The following PPP2R5E variants were observed in gnomAD, a reference collection of about 807,000 sequenced individuals.
PPP2R5E encodes the protein serine/threonine-protein phosphatase 2A 56 kDa regulatory subunit epsilon isoform.
In PPP2R5E, 4 loss-of-function variants were observed where a neutral mutation model predicts 65.3. The ratio of observed to expected loss-of-function variants is 0.06; its 90% CI spans 0.03 to 0.14. The LOEUF (loss-of-function observed/expected upper bound fraction) is 0.14. Ranked by LOEUF, PPP2R5E falls within the 10% of genes least tolerant of loss-of-function variation. The pLI is 1.00. For missense variants in PPP2R5E, 274 were observed against 556.1 expected, an observed-to-expected ratio of 0.49 and a Z score of 5.10; for synonymous variants, 183 against 187.4, an observed-to-expected ratio of 0.98 and a Z score of 0.19.
intron 11 of PPP2R5E, 107 bp downstream of exon 11, chr14:63,389,505 A>T: frequency 7.9e-7 from 1 of 1,272,670 alleles, no homozygotes; most frequent in East Asian, 2.6e-5. Context: ...GTGAGGGGAT[A>T]GCAAATAAAC....
At chr14:63,469,209 T>C (rs1263887579) in intron 2 of PPP2R5E, among the ~76,000 whole-genome samples, 2 of 152,062 alleles carry the variant, frequency 1.3e-5, no homozygotes, top group African/African-American at 2.4e-5. Context: ...ACAGACCAAA[T>C]GGAGAGAAAC....
chr14:63,407,444 CTA>C (rs1886148909), intron 5 of PPP2R5E, among the ~76,000 whole-genome samples: 1 of 152,002 alleles, frequency 6.6e-6, no homozygotes, highest in Non-Finnish European at 1.5e-5. Context: ...CTTAGGAAGG[CTA>C]ATGCACAAAA....
At position 63,402,507 on chromosome 14, in the gene PPP2R5E, C is replaced by G. The variant is rs528496559; in HGVS notation, c.550-5791G>C. 4.0e-5 allele frequency among the ~76,000 whole-genome samples: 6 copies of G among 151,708 alleles called. No homozygotes were observed. In the East Asian group the frequency reaches 1.2e-3, roughly 29 times the overall value. ...GGAAACAGGCACAATGCTAGGAGTA[C>G]CAAAAAAAATTGCAAGAAGGAAACT... On this transcript the variant is annotated intron_variant, in intron 5 of 13. Coordinates refer to ENST00000337537, the MANE Select transcript of PPP2R5E (RefSeq NM_006246.5).
intron 13 of PPP2R5E, among the ~76,000 whole-genome samples, chr14:63,377,529 A>G (rs1884058805): frequency 6.6e-6 from 1 of 152,244 alleles, no homozygotes; most frequent in Admixed American, 6.5e-5. Context: ...ATGTTGAATT[A>G]TAATGCCATA....
At chr14:63,514,428 C>A (rs992194407) in intron 2 of PPP2R5E, among the ~76,000 whole-genome samples, 13 of 151,534 alleles carry the variant, frequency 8.6e-5, no homozygotes, top group Non-Finnish European at 1.6e-4. Context: ...CTAACCAGAG[C>A]AAGCCATAAT....
intron 3 of PPP2R5E, 124 bp from the exon 4 acceptor site, chr14:63,422,218 T>C: frequency 2.7e-6 from 2 of 739,982 alleles, no homozygotes; most frequent in South Asian, 3.5e-5. Context: ...CAAACTAGAA[T>C]AAGGACCTCT....
At chr14:63,465,450 CA>C (rs1171345415) in intron 2 of PPP2R5E, among the ~76,000 whole-genome samples, 69 of 47,386 alleles carry the variant, frequency 1.5e-3, no homozygotes, top group South Asian at 0.014. Context: ...TCCACCTCTA[CA>C]AAAAAAAAAA....
chr14:63,498,640 C>T (rs1170558022), intron 2 of PPP2R5E, among the ~76,000 whole-genome samples: 1 of 151,934 alleles, frequency 6.6e-6, no homozygotes, highest in African/African-American at 2.4e-5. Flanking sequence ...TTACTGCAGC[C>T]GCGACTTCCC....
intron 2 of PPP2R5E, among the ~76,000 whole-genome samples, chr14:63,490,708 T>C (rs1237464470): frequency 6.6e-6 from 1 of 151,998 alleles, no homozygotes; most frequent in Non-Finnish European, 1.5e-5. Flanking sequence ...CCAGTCGGAA[T>C]GAGTACTATT....
intron 2 of PPP2R5E, among the ~76,000 whole-genome samples, chr14:63,477,180 C>G (rs985392425): frequency 1.3e-5 from 2 of 152,064 alleles, no homozygotes; most frequent in African/African-American, 4.8e-5. Context: ...AAAATTAAGA[C>G]AGCATATAAT....
chr14:63,526,941 G>C (rs920555071), intron 2 of PPP2R5E, among the ~76,000 whole-genome samples: 1 of 152,198 alleles, frequency 6.6e-6, no homozygotes, highest in Non-Finnish European at 1.5e-5. Context: ...AGGCCAAGGC[G>C]GGCGGATCAC....
At chr14:63,526,524 C>G (rs1566763422) in intron 2 of PPP2R5E, among the ~76,000 whole-genome samples, 1 of 151,968 alleles carries the variant, frequency 6.6e-6, no homozygotes, top group African/African-American at 2.4e-5. Context: ...CTCTCTTTCT[C>G]TTTCTCTCTC....
intron 2 of PPP2R5E, among the ~76,000 whole-genome samples, chr14:63,520,785 G>A (rs1892868250): frequency 1.3e-5 from 2 of 150,738 alleles, no homozygotes; most frequent in South Asian, 2.1e-4. Flanking sequence ...GGAGGCCGAG[G>A]CGGGTGGATC....
chr14:63,405,558 A>G (rs373667083), intron 5 of PPP2R5E, among the ~76,000 whole-genome samples: 1 of 152,352 alleles, frequency 6.6e-6, no homozygotes. Context: ...CCAGCAGTAC[A>G]TATGTTTACG....
chr14:63,523,517 C>CAAGCTGCTGTG (rs1893058025), intron 2 of PPP2R5E, among the ~76,000 whole-genome samples: 1 of 151,722 alleles, frequency 6.6e-6, no homozygotes, highest in Non-Finnish European at 1.5e-5. Flanking sequence ...GCAGCATGCT[C>CAAGCTGCTGTG]GTTAAGAGTC....
chr14:63,451,798 G>A (rs887638399), intron 3 of PPP2R5E: 1 of 151,964 alleles, frequency 6.6e-6, no homozygotes, highest in Admixed American at 6.6e-5. Flanking sequence ...TGTTGATAAT[G>A]GGGGAGGCTG....
chr14:63,501,442 T>C (rs1011361515), intron 2 of PPP2R5E, among the ~76,000 whole-genome samples: 1 of 150,862 alleles, frequency 6.6e-6, no homozygotes, highest in Non-Finnish European at 1.5e-5. Context: ...TAAGATATAA[T>C]GATGGTGGAA....
chr14:63,438,798 A>T (rs1888062782), intron 3 of PPP2R5E, among the ~76,000 whole-genome samples: 1 of 152,166 alleles, frequency 6.6e-6, no homozygotes, highest in Non-Finnish European at 1.5e-5. Flanking sequence ...AAAACTAAAC[A>T]CTTTAAAATC....
At chr14:63,433,034 T>TTCG (rs1204940161) in intron 3 of PPP2R5E, among the ~76,000 whole-genome samples, 1 of 122,620 alleles carries the variant, frequency 8.2e-6, no homozygotes, top group Non-Finnish European at 1.6e-5. Context: ...TTTGTTTTGT[T>TTCG]TTTTTTTTTT....
Sources: allele counts gnomAD v4.1 joint callset (sites outside exome capture counted in the v4.1 genomes callset), GRCh38; gene constraint gnomAD v4.1.1; transcripts MANE v1.5; gene names NCBI Gene and HGNC (gene_info 2026-07-23, HGNC 2026-07-21).